The following LRRC4C variants were observed in gnomAD, a reference collection of about 807,000 sequenced individuals.
LRRC4C encodes the protein leucine-rich repeat-containing protein 4C.
In LRRC4C, 5 loss-of-function variants were observed where a neutral mutation model predicts 33.6. The ratio of observed to expected loss-of-function variants is 0.15; its 90% CI spans 0.08 to 0.31. The LOEUF (loss-of-function observed/expected upper bound fraction) is 0.31, where lower values mean the gene tolerates loss of function less well. LRRC4C is among the 10% of genes least tolerant of loss of function. The pLI is 1.00. For missense variants in LRRC4C, 560 were observed against 796.7 expected (o/e 0.70, Z 3.58); for synonymous variants, 329 against 302.0 (o/e 1.09, Z -0.93).
At chr11:40,139,688 A>G (rs112173473) in intron 6 of LRRC4C, among the ~76,000 whole-genome samples, 10 of 152,356 alleles carry the variant, frequency 6.6e-5, no homozygotes, top group African/African-American at 2.4e-4. Context: ...ACCAAAGTGC[A>G]GCACAGCTGG....
chr11:41,283,887 G>C (rs901403710), intron 1 of LRRC4C, among the ~76,000 whole-genome samples: 6 of 152,100 alleles, frequency 3.9e-5, no homozygotes, highest in Non-Finnish European at 5.9e-5. Context: ...TTTCCTCAAT[G>C]GTAAAATACA....
chr11:40,627,364 C>T (rs763510770), intron 3 of LRRC4C, among the ~76,000 whole-genome samples: 2 of 151,730 alleles, frequency 1.3e-5, no homozygotes, highest in Admixed American at 6.6e-5. Flanking sequence ...TTATGATTTT[C>T]GGAGTTGGAA....
At chr11:40,270,429 C>T (rs1288658967) in intron 4 of LRRC4C, among the ~76,000 whole-genome samples, 3 of 151,894 alleles carry the variant, frequency 2.0e-5, no homozygotes, top group Admixed American at 6.6e-5. Flanking sequence ...GGACACCAGT[C>T]ATTTTGCATT....
chr11:41,287,652 T>C (rs1211407691), intron 1 of LRRC4C, among the ~76,000 whole-genome samples: 1 of 152,174 alleles, frequency 6.6e-6, no homozygotes, highest in Non-Finnish European at 1.5e-5. Flanking sequence ...ATACACAAGC[T>C]GATAAAACAG....
chr11:41,344,853 G>A (rs1951754034), intron 1 of LRRC4C, among the ~76,000 whole-genome samples: 1 of 152,162 alleles, frequency 6.6e-6, no homozygotes, highest in African/African-American at 2.4e-5. Context: ...AAATTAAATT[G>A]TATGTTTGGA....
intron 1 of LRRC4C, among the ~76,000 whole-genome samples, chr11:41,003,513 C>A (rs376295617): frequency 6.7e-6 from 1 of 150,308 alleles, no homozygotes; most frequent in East Asian, 1.9e-4. Context: ...ATTTGAGATC[C>A]ATTTGAGATT....
chr11:40,247,445 T>C (rs984325600), intron 4 of LRRC4C, among the ~76,000 whole-genome samples: 9 of 152,178 alleles, frequency 5.9e-5, no homozygotes, highest in African/African-American at 1.9e-4. Context: ...AGAACCCATG[T>C]TGAGAACTTA....
chr11:41,059,900 C>T (rs929148985), intron 1 of LRRC4C, among the ~76,000 whole-genome samples: 2 of 152,062 alleles, frequency 1.3e-5, no homozygotes, highest in Admixed American at 6.5e-5. Context: ...TGGCACGCAC[C>T]TGCAATTCCA....
At chr11:40,774,376 A>AT (rs1949892047) in intron 2 of LRRC4C, among the ~76,000 whole-genome samples, 1 of 152,136 alleles carries the variant, frequency 6.6e-6, no homozygotes, top group Non-Finnish European at 1.5e-5. Flanking sequence ...AATAAGTATT[A>AT]TTTGGTATAA....
At chr11:40,447,527 T>C (rs1406152967) in intron 3 of LRRC4C, among the ~76,000 whole-genome samples, 1 of 152,208 alleles carries the variant, frequency 6.6e-6, no homozygotes, top group Non-Finnish European at 1.5e-5. Context: ...GGGGTCTTTT[T>C]TTGTTTGTAT....
In LRRC4C at chr11:40,948,047, T is replaced by C. The variant is rs554382563; in HGVS notation, c.-495-14324A>G. 1.3e-4 allele frequency among the ~76,000 whole-genome samples: 20 copies of C among 152,296 alleles called. No individual in the cohort carries two copies. In the Middle Eastern group the frequency reaches 0.014, roughly 104 times the overall value. On this transcript the variant is annotated intron_variant, in intron 1 of 6. Transcript: ENST00000528697. ...TTTGGTGAAAAGTAGAATTCAGTCA[T>C]CGCCAGTGAAGCCTCTTGATAGGTA...
At chr11:41,290,179 C>A (rs1949950599) in intron 1 of LRRC4C, among the ~76,000 whole-genome samples, 3 of 152,096 alleles carry the variant, frequency 2.0e-5, no homozygotes. Context: ...AAAGATTTCC[C>A]ATAATGACAA....
chr11:40,151,690 A>C (rs778909484), intron 5 of LRRC4C, among the ~76,000 whole-genome samples: 1 of 152,196 alleles, frequency 6.6e-6, no homozygotes, highest in African/African-American at 2.4e-5. Context: ...CCAAATTTTC[A>C]TATTGAGTAA....
At chr11:41,407,476 AC>A (rs1324707456) in intron 1 of LRRC4C, among the ~76,000 whole-genome samples, 1 of 151,604 alleles carries the variant, frequency 6.6e-6, no homozygotes, top group Non-Finnish European at 1.5e-5. Context: ...TGAATTTTAA[AC>A]TTTTTGTAGA....
At chr11:41,352,938 C>T (rs768242517) in intron 1 of LRRC4C, among the ~76,000 whole-genome samples, 4 of 151,996 alleles carry the variant, frequency 2.6e-5, no homozygotes, top group Admixed American at 6.6e-5. Flanking sequence ...CTCAAATTAA[C>T]AACCTAACAT....
In LRRC4C at chr11:40,909,064, G is replaced by A. The variant is rs74674138; in HGVS notation, c.-407+24571C>T. ...AAGGAACAACTAACACTTTGTAGGT[G>A]TTATTTTCTTTATATAACAGACATT... On this transcript the variant is annotated intron_variant, in intron 2 of 6. Transcript: ENST00000528697. Among the ~76,000 whole-genome samples the A allele has an allele frequency of 5.3e-5, 8 of 152,154 alleles. No homozygotes were observed. In the East Asian group the frequency reaches 1.4e-3, roughly 26 times the overall value.
chr11:41,219,025 C>T (rs1371243039), intron 1 of LRRC4C, among the ~76,000 whole-genome samples: 1 of 152,106 alleles, frequency 6.6e-6, no homozygotes, highest in Non-Finnish European at 1.5e-5. Flanking sequence ...CCCACCTCGG[C>T]CTCCCAAAGT....
At chr11:41,453,850 T>C (rs965663452) in intron 1 of LRRC4C, among the ~76,000 whole-genome samples, 56 of 152,266 alleles carry the variant, frequency 3.7e-4, no homozygotes, top group Non-Finnish European at 1.9e-4. Flanking sequence ...CTTAGTTCAA[T>C]GCAAAGCTTC....
chr11:41,034,406 CAGACTAAGACACAT>C (rs1856909207), intron 1 of LRRC4C, among the ~76,000 whole-genome samples: 1 of 147,792 alleles, frequency 6.8e-6, no homozygotes, highest in East Asian at 2.0e-4. Flanking sequence ...GAATGGAAAA[CAGACTAAGACACAT>C]ATGAACAATC....
Sources: allele counts gnomAD v4.1 joint callset (sites outside exome capture counted in the v4.1 genomes callset), GRCh38; gene constraint gnomAD v4.1.1; transcripts MANE v1.5; gene names NCBI Gene and HGNC (gene_info 2026-07-23, HGNC 2026-07-21).